Variants in ABCA4 observed in about 807,000 individuals in gnomAD.
ABCA4 encodes the protein retinal-specific phospholipid-transporting ATPase ABCA4.
In ABCA4, 196 loss-of-function variants were observed where a neutral mutation model predicts 263.7. The ratio of observed to expected loss-of-function variants is 0.74; its 90% CI spans 0.66 to 0.84. The LOEUF (loss-of-function observed/expected upper bound fraction) is 0.84. ABCA4 is among the 40% of genes least tolerant of loss of function. ABCA4 has a pLI of 0.00. For missense variants in ABCA4, 2,792 were observed against 2,855.1 expected, an observed-to-expected ratio of 0.98 and a Z score of 0.50; for synonymous variants, 1,133 against 1,094.2, an observed-to-expected ratio of 1.04 and a Z score of -0.70.
chr1:94,051,758 G>T, intron 16 of ABCA4, 60 bp from the exon 17 acceptor site: 5 of 1,284,946 alleles, frequency 3.9e-6, no homozygotes, highest in Non-Finnish European at 4.5e-6. Context: ...CTACCTTACC[G>T]CAGTTCTATA....
chr1:94,070,273 C>G (rs887056690), intron 11 of ABCA4, among the ~76,000 whole-genome samples: 2 of 152,186 alleles, frequency 1.3e-5, no homozygotes, highest in African/African-American at 4.8e-5. Flanking sequence ...AAAGTTGCCT[C>G]CAATCACAGA....
At chr1:94,001,712 C>T (rs750523954) in intron 45 of ABCA4, 146 bp downstream of exon 45, 17 of 1,200,912 alleles carry the variant, frequency 1.4e-5, no homozygotes, top group Middle Eastern at 1.9e-4. Context: ...CTGGGCTGAT[C>T]GCTCAAAATG....
rs140238807 is a variant in ABCA4 at position 94,016,171 on chromosome 1, T to G, written c.5197-317A>C. ...GTTGATTCTTCTTTCTAAGCATGTC[T>G]TCAGAATTCAGAAAAACTTAAAGCC... On this transcript the variant is annotated intron_variant, in intron 36 of 49. Coordinates refer to ENST00000370225, the MANE Select transcript of ABCA4 (RefSeq NM_000350.3). Among the ~76,000 whole-genome samples, 596 of 152,332 alleles carry G rather than the reference T, an allele frequency of 3.9e-3. 6 individuals are homozygous for G. The highest frequency in any genetic ancestry group is 0.014 in the African/African-American group (581 of 41,572).
intron 11 of ABCA4, among the ~76,000 whole-genome samples, chr1:94,069,828 C>T (rs1661358946): frequency 6.6e-6 from 1 of 152,044 alleles, no homozygotes. Flanking sequence ...AAACGTTCAC[C>T]CACAGAGAGT....
intron 13 of ABCA4, among the ~76,000 whole-genome samples, chr1:94,062,276 T>A (rs1661148278): frequency 2.6e-5 from 4 of 152,166 alleles, no homozygotes; most frequent in Admixed American, 2.6e-4. Context: ...ACATACTACA[T>A]AGTGGGGAAT....
intron 25 of ABCA4, 131 bp from the exon 26 acceptor site, chr1:94,036,919 A>T (rs1431547060): frequency 1.3e-5 from 13 of 970,942 alleles, no homozygotes; most frequent in Admixed American, 3.9e-5. Context: ...ATCTGAGAAC[A>T]TCATCTTCTA....
chr1:94,029,294 C>T, intron 30 of ABCA4, 151 bp downstream of exon 30: 1 of 754,482 alleles, frequency 1.3e-6, no homozygotes, highest in South Asian at 2.4e-5. Context: ...GTGGGGAGCC[C>T]CTCCCAGAGG....
At position 94,042,879 on chromosome 1, in the gene ABCA4, C is replaced by T. The variant is rs113398504; in HGVS notation, c.3210G>A (p.Leu1070=). The change falls in exon 22 of 50, where the codon CTG becomes CTA. Residue 1070 remains leucine, a synonymous_variant. Transcript: ENST00000370225. ...CTCCCACAAAGGCAATGGCAACCGA[C>T]AGCTTTCTCTGCATGCCACCTGGAG... is the stretch of plus-strand genomic sequence containing the variant. The part of the protein sequence containing the change: ...QDLSGGMQRK[L]SVAIAFVGDA... 13 of 1,614,116 alleles carry T rather than the reference C, an allele frequency of 8.1e-6. No individual in the cohort carries two copies. The African/African-American group carries it at 1.1e-4, about 13-fold the overall frequency.
In ABCA4 at chr1:94,120,746, T is replaced by C. The variant is rs3789450; in HGVS notation, c.66+234A>G. ...ATTGACAGGCACGGTAGGCAAAAGA[T>C]TTTCATGTGGCTGAGGACAGAGAAA... On this transcript the variant is annotated intron_variant, in intron 1 of 49. Transcript: ENST00000370225. 0.04 allele frequency among the ~76,000 whole-genome samples: 6,085 copies of C among 151,766 alleles called. 228 individuals carry two copies. The highest frequency in any genetic ancestry group is 0.15 in the East Asian group (746 of 5,132).
intron 6 of ABCA4, among the ~76,000 whole-genome samples, chr1:94,094,276 G>A (rs373099616): frequency 2.0e-5 from 3 of 152,138 alleles, no homozygotes; most frequent in African/African-American, 4.8e-5. Context: ...GTCCACCCAC[G>A]CTTCTCCCCA....
Position 94,036,748 on chromosome 1 carries a change from A to C in ABCA4, c.3854T>G (p.Leu1285Arg). 6.2e-7 allele frequency: 1 copy of C among 1,614,178 alleles called. No individual in the cohort carries two copies. Among genetic ancestry groups the C allele is most frequent in the Non-Finnish European group, 8.5e-7 (1 of 1,180,016 alleles). The change falls in exon 26 of 50, where the codon CTG becomes CGG. Residue 1285 changes from leucine to arginine, a missense_variant. Transcript: ENST00000370225. ...TGGCTCCAGCACCATACCCGCAAAC[A>C]GAGGTCCTGAATCAGAATCCTCCGT... is the stretch of plus-strand genomic sequence containing the variant. ...KVTEDSDSGP[L>R]FAGGAQQKRE...
chr1:94,043,005 G>C, intron 21 of ABCA4, 107 bp from the exon 22 acceptor site: 1 of 1,484,870 alleles, frequency 6.7e-7, no homozygotes, highest in East Asian at 2.3e-5. Flanking sequence ...GCAGTGGTTT[G>C]GTGCTGCCTC....
At chr1:94,107,556 A>G in intron 4 of ABCA4, among the ~76,000 whole-genome samples, 1 of 152,092 alleles carries the variant, frequency 6.6e-6, no homozygotes, top group East Asian at 1.9e-4. Flanking sequence ...CCTGGGGAGG[A>G]GAGACACAGG....
Position 94,079,469 on chromosome 1 carries a change from G to C in ABCA4, c.1100-8C>G, listed in dbSNP as rs749728129. The C allele has an allele frequency of 6.2e-7, 1 of 1,614,178 alleles. No individual in the cohort carries two copies. Among genetic ancestry groups the C allele is most frequent in the Non-Finnish European group, 8.5e-7 (1 of 1,180,016 alleles). On this transcript the variant is annotated splice_region_variant and splice_polypyrimidine_tract_variant and intron_variant, in intron 8 of 49. Transcript: ENST00000370225. ...ATGCATTACAAAAGGATGCTGCCAG[G>C]AGACAAGGGACAGATTTTACAGAAA...
At chr1:94,075,736 A>G (rs1430331249) in intron 11 of ABCA4, among the ~76,000 whole-genome samples, 1 of 152,220 alleles carries the variant, frequency 6.6e-6, no homozygotes, top group Non-Finnish European at 1.5e-5. Context: ...GATGACACAG[A>G]CCCAGACCTG....
chr1:94,024,756 G>C (rs1267260228), intron 31 of ABCA4, among the ~76,000 whole-genome samples, 198 bp downstream of exon 31: 1 of 152,070 alleles, frequency 6.6e-6, no homozygotes, highest in Non-Finnish European at 1.5e-5. Context: ...AACAAAAAAA[G>C]AATTAATCTT....
Position 94,120,998 on chromosome 1 carries a change from GGT to G in ABCA4, c.46_47del (p.Thr16ProfsTer37). 5 of 1,613,446 alleles carry G rather than the reference GGT, an allele frequency of 3.1e-6. No individual in the cohort carries two copies. Among genetic ancestry groups the G allele is most frequent in the Non-Finnish European group, 4.2e-6 (5 of 1,179,898 alleles). On this transcript the variant is annotated frameshift_variant, in exon 1 of 50. Coordinates refer to ENST00000370225, the MANE Select transcript of ABCA4 (RefSeq NM_000350.3). LOFTEE classifies it high-confidence loss of function. The stretch of plus-strand genomic sequence containing the variant: ...CTGTTACCTTTTGCCTTTTCCGCAG[GGT>G]CCAGTTCTTCCAGAGCAAAAGCTGT... ...QIQLLLWKNW[T>X]LRKRQKIRFV...
At chr1:94,068,765 G>A (rs1412408226) in intron 11 of ABCA4, among the ~76,000 whole-genome samples, 1 of 152,182 alleles carries the variant, frequency 6.6e-6, no homozygotes, top group Admixed American at 6.5e-5. Context: ...GCCAGTGTAA[G>A]GTGCTCAAAC....
chr1:94,020,322 T>G (rs946848285), intron 35 of ABCA4, among the ~76,000 whole-genome samples: 1 of 152,218 alleles, frequency 6.6e-6, no homozygotes, highest in Non-Finnish European at 1.5e-5. Context: ...GAGGGGTAAG[T>G]TGGGGCTAAA....
Sources: gnomAD v4.1 joint callset for allele counts (sites outside exome capture counted in the v4.1 genomes callset) on GRCh38, gnomAD v4.1.1 for gene constraint, MANE v1.5 for transcripts, NCBI Gene and HGNC (gene_info 2026-07-23, HGNC 2026-07-21) for gene names.